The following APBA2 variants were observed in gnomAD, a reference collection of about 807,000 sequenced individuals.
The protein encoded by APBA2 is amyloid-beta A4 precursor protein-binding family A member 2.
A neutral mutation model predicts 75.0 loss-of-function variants in APBA2; 30 were observed. That is an observed-to-expected ratio of 0.40 (90% CI 0.30 to 0.54). APBA2 has a LOEUF of 0.54. Ranked by LOEUF, APBA2 falls within the 20% of genes least tolerant of loss-of-function variation. The pLI, the probability that APBA2 is intolerant of heterozygous loss-of-function variation, is 0.49. For missense variants in APBA2, 801 were observed against 1,016.1 expected, an observed-to-expected ratio of 0.79 and a Z score of 2.88; for synonymous variants, 444 against 409.6, an observed-to-expected ratio of 1.08 and a Z score of -1.01.
intron 1 of APBA2, among the ~76,000 whole-genome samples, chr15:28,915,510 TACCACAC>T (rs1367566424): frequency 6.5e-4 from 84 of 129,750 alleles, no homozygotes; most frequent in African/African-American, 2.3e-3. Flanking sequence ...CCTCCATACA[TACCACAC>T]ACCACACACA....
At chr15:29,035,025 C>G (rs961526003) in intron 3 of APBA2, among the ~76,000 whole-genome samples, 1 of 152,198 alleles carries the variant, frequency 6.6e-6, no homozygotes, top group African/African-American at 2.4e-5. Flanking sequence ...GTCCTTCTTC[C>G]CTGGGCCCTG....
intron 1 of APBA2, among the ~76,000 whole-genome samples, chr15:28,887,383 G>A (rs1227482226): frequency 2.0e-5 from 3 of 152,264 alleles, no homozygotes; most frequent in South Asian, 2.1e-4. Context: ...ATAATGACCC[G>A]AGAGCTTTGC....
At chr15:28,969,835 C>G (rs1211416866) in intron 2 of APBA2, among the ~76,000 whole-genome samples, 1 of 152,244 alleles carries the variant, frequency 6.6e-6, no homozygotes, top group Non-Finnish European at 1.5e-5. Flanking sequence ...AATATTCCCA[C>G]TTAGGTGCCG....
chr15:29,052,664 C>T (rs1332585744), intron 3 of APBA2, among the ~76,000 whole-genome samples: 4 of 152,080 alleles, frequency 2.6e-5, no homozygotes, highest in Non-Finnish European at 5.9e-5. Flanking sequence ...TGACTGTGCA[C>T]ATGTCTTAGT....
At chr15:29,116,705 G>A (rs562082760) in intron 14 of APBA2, among the ~76,000 whole-genome samples, 10 of 151,594 alleles carry the variant, frequency 6.6e-5, no homozygotes, top group Admixed American at 2.0e-4. Context: ...TGCATCCCTC[G>A]CAGTTTCTGC....
At chr15:29,024,079 T>C (rs918124391) in intron 3 of APBA2, among the ~76,000 whole-genome samples, 2 of 151,584 alleles carry the variant, frequency 1.3e-5, no homozygotes, top group East Asian at 2.0e-4. Flanking sequence ...AATTTTTGTA[T>C]TTTTAGTAGA....
intron 4 of APBA2, among the ~76,000 whole-genome samples, chr15:29,064,798 G>T (rs578070194): frequency 1.3e-5 from 2 of 152,292 alleles, no homozygotes; most frequent in East Asian, 3.9e-4. Flanking sequence ...GGGACATTAG[G>T]AAGGCCAGAT....
intron 4 of APBA2, among the ~76,000 whole-genome samples, chr15:29,062,039 G>A (rs1464793527): frequency 2.0e-5 from 3 of 152,124 alleles, no homozygotes; most frequent in Non-Finnish European, 4.4e-5. Flanking sequence ...CTGGCCCACA[G>A]TAGGATGGAA....
chr15:29,024,811 G>C (rs1273717934), intron 3 of APBA2, among the ~76,000 whole-genome samples: 1 of 152,156 alleles, frequency 6.6e-6, no homozygotes, highest in Non-Finnish European at 1.5e-5. Flanking sequence ...ACCCAAACTA[G>C]AGGGTAGGGG....
intron 3 of APBA2, among the ~76,000 whole-genome samples, chr15:29,016,651 T>C (rs1351236757): frequency 6.6e-6 from 1 of 152,164 alleles, no homozygotes; most frequent in African/African-American, 2.4e-5. Flanking sequence ...GAGTCATTAT[T>C]TTGTGCACCT....
At chr15:28,925,615 T>G (rs2152679381) in intron 2 of APBA2, among the ~76,000 whole-genome samples, 1 of 152,338 alleles carries the variant, frequency 6.6e-6, no homozygotes, top group South Asian at 2.1e-4. Flanking sequence ...TTGTGAATGT[T>G]CTGTGCAAGC....
intron 2 of APBA2, among the ~76,000 whole-genome samples, chr15:28,985,333 T>C (rs1176719456): frequency 6.6e-6 from 1 of 152,202 alleles, no homozygotes; most frequent in Non-Finnish European, 1.5e-5. Flanking sequence ...TTGCACTTTT[T>C]GTCTACCAGC....
chr15:29,112,933 A>G (rs1004874282), intron 13 of APBA2, among the ~76,000 whole-genome samples: 7 of 151,976 alleles, frequency 4.6e-5, no homozygotes, highest in African/African-American at 1.2e-4. Context: ...CAGGTACCTC[A>G]TATCAGTGGC....
intron 2 of APBA2, among the ~76,000 whole-genome samples, chr15:28,972,909 AT>A (rs930493121): frequency 6.6e-6 from 1 of 152,226 alleles, no homozygotes; most frequent in African/African-American, 2.4e-5. Flanking sequence ...TTTCTAAGCA[AT>A]TTTTCCTATT....
intron 2 of APBA2, among the ~76,000 whole-genome samples, chr15:28,952,216 A>C (rs1289497855): frequency 6.6e-6 from 1 of 152,114 alleles, no homozygotes; most frequent in African/African-American, 2.4e-5. Context: ...CAACAACAAA[A>C]AAGACTTGGA....
rs1300375028 is a variant in APBA2 at position 29,094,405 on chromosome 15, GA to G, written c.1251+93del. 2.4e-6 allele frequency: 3 copies of G among 1,238,060 alleles called. No homozygotes were observed. The African/African-American group carries it at 4.5e-5, about 18-fold the overall frequency. The allele number at this position is 1,238,060 out of a possible 1,614,324, so 76.7% of individuals were successfully genotyped here. On this transcript the variant is annotated intron_variant, in intron 8 of 14. Coordinates refer to ENST00000683413, the MANE Select transcript of APBA2 (RefSeq NM_001353788.2). ...GTGGGGGCTGGGGGGTTCCCCTGGGGATCTAAATAATGTTGCAAAGCAGCTT... is the reference window on the plus strand; with the variant it reads ...GTGGGGGCTGGGGGGTTCCCCTGGGGTCTAAATAATGTTGCAAAGCAGCTT...
At chr15:29,026,740 C>T (rs892010548) in intron 3 of APBA2, among the ~76,000 whole-genome samples, 1 of 148,736 alleles carries the variant, frequency 6.7e-6, no homozygotes, top group African/African-American at 2.6e-5. Context: ...GGTGAAACCC[C>T]GTCTCTACTG....
At chr15:28,984,930 T>TCTCTCTCC (rs1236954180) in intron 2 of APBA2, among the ~76,000 whole-genome samples, 16 of 151,422 alleles carry the variant, frequency 1.1e-4, no homozygotes, top group Non-Finnish European at 2.1e-4. Context: ...TCTCTCTCTC[T>TCTCTCTCC]CTCTCTCCCT....
At position 29,029,099 on chromosome 15, in the gene APBA2, T is replaced by C. The variant is rs563369136; in HGVS notation, c.-40-24746T>C. The stretch of plus-strand genomic sequence containing the variant: ...TCTTTGCTGGTGCCTATGTCCTGAA[T>C]GGTATTGTCTAGATTTTCTTCTAGG... On this transcript the variant is annotated intron_variant, in intron 3 of 14. Transcript: ENST00000683413. Among the ~76,000 whole-genome samples the C allele has an allele frequency of 1.8e-4, 27 of 152,316 alleles. No individual in the cohort carries two copies. In the South Asian group the frequency reaches 5.6e-3, roughly 32 times the overall value.
Sources: gnomAD v4.1 joint callset for allele counts (sites outside exome capture counted in the v4.1 genomes callset) on GRCh38, gnomAD v4.1.1 for gene constraint, MANE v1.5 for transcripts, NCBI Gene and HGNC (gene_info 2026-07-23, HGNC 2026-07-21) for gene names.